Variants in FAT3 observed in about 807,000 individuals in gnomAD.
The protein encoded by FAT3 is protocadherin Fat 3.
A neutral mutation model predicts 310.2 loss-of-function variants in FAT3; 95 were observed. That is an observed-to-expected ratio of 0.31 (90% CI 0.26 to 0.36). The LOEUF is 0.36. Ranked by LOEUF, FAT3 falls within the 10% of genes least tolerant of loss-of-function variation. The probability of loss-of-function intolerance (pLI) is 1.00; values close to 1 mark genes in which losing one functional copy is unlikely to be tolerated. For synonymous variants in FAT3, 2,314 were observed against 2,192.9 expected (o/e 1.06, Z -1.54); for missense variants, 5,408 against 5,715.6 (o/e 0.95, Z 1.74).
intron 3 of FAT3, among the ~76,000 whole-genome samples, chr11:92,549,632 A>G (rs1024914921): frequency 3.9e-5 from 6 of 152,210 alleles, no homozygotes; most frequent in South Asian, 2.1e-4. Context: ...AAACATACTT[A>G]GCATTCATTA....
rs752495005 is a variant in FAT3 at position 92,352,270 on chromosome 11, A to T, written c.158A>T (p.Tyr53Phe). The change falls in exon 2 of 28, where the codon TAT (tyrosine) becomes TTT (phenylalanine). Residue 53 changes from tyrosine to phenylalanine, a missense_variant. Physicochemically the swap from Tyr to Phe is conservative, Grantham distance 22. Transcript: ENST00000525166. ...FTHSIYNATVYENSAARTYVN... is the reference protein window; with the variant it reads ...FTHSIYNATVFENSAARTYVN... ...CATTCCATTTATAATGCTACCGTGT[A>T]TGAGAACTCAGCAGCAAGGACCTAC... The T allele has an allele frequency of 2.1e-6, 3 of 1,441,578 alleles. No homozygotes were observed. The highest frequency in any genetic ancestry group is 2.8e-6 in the Non-Finnish European group (3 of 1,071,022). The allele number at this position is 1,441,578 out of a possible 1,614,324, so 89.3% of individuals were successfully genotyped here. A position where few individuals can be genotyped will look rare whatever the true frequency, so the allele number is the denominator to read the frequency against.
intron 21 of FAT3, among the ~76,000 whole-genome samples, chr11:92,862,287 C>T (rs1424831985): frequency 6.6e-6 from 1 of 152,130 alleles, no homozygotes; most frequent in Non-Finnish European, 1.5e-5. Context: ...TGACTTTCCT[C>T]ACACCTATAA....
At chr11:92,781,771 A>G (rs1453312335) in intron 7 of FAT3, among the ~76,000 whole-genome samples, 12 of 152,206 alleles carry the variant, frequency 7.9e-5, no homozygotes, top group Admixed American at 7.8e-4. Flanking sequence ...TTAAGATGAA[A>G]TACGCTATTA....
chr11:92,537,011 C>A (rs1409531085), intron 3 of FAT3, among the ~76,000 whole-genome samples: 1 of 152,122 alleles, frequency 6.6e-6, no homozygotes, highest in East Asian at 1.9e-4. Context: ...ACCTATAAAT[C>A]AAGGAGTTTG....
intron 2 of FAT3, among the ~76,000 whole-genome samples, chr11:92,512,968 A>G (rs1252101729): frequency 1.0e-5 from 1 of 99,950 alleles, no homozygotes. Context: ...TAAAAATACA[A>G]AAAATTAGCC....
intron 1 of FAT3, among the ~76,000 whole-genome samples, chr11:92,326,216 T>C (rs527531925): frequency 6.6e-4 from 100 of 152,298 alleles, no homozygotes; most frequent in African/African-American, 2.1e-3. Context: ...ACCTACCTCA[T>C]AGAGTTGTCG....
At chr11:92,642,230 C>T (rs1322923057) in intron 3 of FAT3, among the ~76,000 whole-genome samples, 2 of 152,320 alleles carry the variant, frequency 1.3e-5, no homozygotes, top group East Asian at 3.9e-4. Flanking sequence ...ATCCTCTTTT[C>T]CCATCTTCAC....
chr11:92,240,729 T>C (rs1287423771), intron 1 of FAT3, among the ~76,000 whole-genome samples: 2 of 152,028 alleles, frequency 1.3e-5, no homozygotes, highest in African/African-American at 2.4e-5. Context: ...CTGTTGTGAG[T>C]AGACATGCAT....
At chr11:92,783,108 C>G (rs1181544633) in intron 7 of FAT3, among the ~76,000 whole-genome samples, 1 of 151,892 alleles carries the variant, frequency 6.6e-6, no homozygotes, top group African/African-American at 2.4e-5. Flanking sequence ...GCCTGTAATC[C>G]CAACACTTAG....
Position 92,353,189 on chromosome 11 carries a change from A to T in FAT3, c.1077A>T (p.Leu359Phe). ...DKGSPQKCSA[L>F]KAVYIGNPTR... is the part of the protein sequence containing the mutation. ...GATCTCCTCAAAAATGTTCAGCATT[A>T]AAGGCAGTCTACATTGGCAACCCCA... The change falls in exon 2 of 28, where the codon TTA becomes TTT. Residue 359 changes from leucine (L) to phenylalanine (F), a missense_variant. Coordinates refer to ENST00000525166, the MANE Select transcript of FAT3 (RefSeq NM_001367949.2). 1 of 1,613,782 alleles carries T rather than the reference A, an allele frequency of 6.2e-7. No homozygotes were observed. The highest frequency in any genetic ancestry group is 8.5e-7 in the Non-Finnish European group (1 of 1,179,868).
chr11:92,562,386 G>C (rs138533363), intron 3 of FAT3, among the ~76,000 whole-genome samples: 1 of 151,954 alleles, frequency 6.6e-6, no homozygotes, highest in East Asian at 1.9e-4. Flanking sequence ...AGATAAATAC[G>C]TACGGATTTT....
chr11:92,658,467 G>C (rs1012348696), intron 3 of FAT3, among the ~76,000 whole-genome samples: 22 of 152,132 alleles, frequency 1.4e-4, no homozygotes, highest in African/African-American at 5.3e-4. Context: ...GTGAGGCAGG[G>C]TCTCAATCAG....
intron 4 of FAT3, 139 bp from the exon 5 acceptor site, chr11:92,761,717 A>C (rs1208216742): frequency 1.3e-6 from 1 of 775,352 alleles, no homozygotes; most frequent in Non-Finnish European, 2.1e-6. Flanking sequence ...TAGAAAGATG[A>C]AAAAAGAGAA....
At chr11:92,769,281 G>T (rs1240939464) in intron 6 of FAT3, among the ~76,000 whole-genome samples, 1 of 152,164 alleles carries the variant, frequency 6.6e-6, no homozygotes. Context: ...ACATAATAAA[G>T]TTCAGCTGTT....
At chr11:92,398,761 T>C (rs777466823) in intron 2 of FAT3, among the ~76,000 whole-genome samples, 1 of 152,192 alleles carries the variant, frequency 6.6e-6, no homozygotes, top group Non-Finnish European at 1.5e-5. Context: ...TGTTCTGTTC[T>C]AGTTTATTCT....
intron 6 of FAT3, among the ~76,000 whole-genome samples, chr11:92,772,787 T>C (rs2136112871): frequency 6.6e-6 from 1 of 152,226 alleles, no homozygotes; most frequent in African/African-American, 2.4e-5. Flanking sequence ...ATGACCAGGT[T>C]TTTTTTAAGT....
intron 21 of FAT3, among the ~76,000 whole-genome samples, chr11:92,864,678 A>G (rs187335520): frequency 1.3e-3 from 197 of 152,166 alleles, no homozygotes; most frequent in Non-Finnish European, 2.3e-3. Flanking sequence ...TTAGCTGGGC[A>G]TGGTGGCGCT....
At chr11:92,679,035 C>T (rs1251858424) in intron 3 of FAT3, among the ~76,000 whole-genome samples, 1 of 152,126 alleles carries the variant, frequency 6.6e-6, no homozygotes, top group African/African-American at 2.4e-5. Context: ...CTCATTTAAT[C>T]GTGCAAACAT....
chr11:92,631,582 C>T (rs1273150555), intron 3 of FAT3, among the ~76,000 whole-genome samples: 1 of 152,062 alleles, frequency 6.6e-6, no homozygotes, highest in Non-Finnish European at 1.5e-5. Flanking sequence ...CTTTCTTCCC[C>T]TTCGCCTTCT....
Sources: gnomAD v4.1 joint callset for allele counts (sites outside exome capture counted in the v4.1 genomes callset) on GRCh38, gnomAD v4.1.1 for gene constraint, MANE v1.5 for transcripts, NCBI Gene and HGNC (gene_info 2026-07-23, HGNC 2026-07-21) for gene names.